MBD6: variants seen among roughly 807,000 people sequenced by gnomAD.
MBD6 encodes the protein methyl-CpG binding domain protein 6.
MBD6 carries 22 observed loss-of-function variants against 66.8 expected under a neutral mutation model. The ratio of observed to expected loss-of-function variants is 0.33; its 90% CI spans 0.24 to 0.47. The LOEUF (loss-of-function observed/expected upper bound fraction) is 0.47. MBD6 is among the 20% of genes least tolerant of loss of function. MBD6 has a pLI of 1.00. For missense variants in MBD6, 1,322 were observed against 1,286.9 expected, an observed-to-expected ratio of 1.03 and a Z score of -0.42; for synonymous variants, 540 against 534.6, an observed-to-expected ratio of 1.01 and a Z score of -0.14.
At position 57,525,285 on chromosome 12, in the gene MBD6, G is replaced by A. The variant is rs188012887; in HGVS notation, c.380-63G>A. On this transcript the variant is annotated intron_variant, in intron 5 of 12. Transcript: ENST00000355673. ...GGAACTTGTGGGAGATGGGACTAGA[G>A]AAGACAAAAGAGTTTTTGGAAGGGG... 159 of 1,513,522 alleles carry A rather than the reference G, an allele frequency of 1.1e-4. No individual in the cohort carries two copies. In the Admixed American group the frequency reaches 3.4e-3, roughly 33 times the overall value. 93.8% of individuals were successfully genotyped at this position (1,513,522 alleles called of 1,614,324 possible).
chr12:57,527,078 G>A lies in MBD6; in HGVS notation c.1933G>A (p.Ala645Thr). The change falls in exon 7 of 13, where the codon GCC becomes ACC. Residue 645 changes from alanine to threonine, a missense_variant. Ala to Thr is a moderately conservative substitution (Grantham distance 58, BLOSUM62 0). Coordinates refer to ENST00000355673, the MANE Select transcript of MBD6 (RefSeq NM_052897.4). ...GGATGGGGAGGGATCTGCAGAGGGA[G>A]CCGGGGGTCCAAGTGGGGAGCCATT... ...AGDGEGSAEG[A>T]GGPSGEPFSG... 6.2e-7 allele frequency: 1 copy of A among 1,602,700 alleles called. No homozygotes were observed. Among genetic ancestry groups the A allele is most frequent in the Non-Finnish European group, 8.5e-7 (1 of 1,172,804 alleles).
chr12:57,526,961 C>T lies in MBD6; in HGVS notation c.1816C>T (p.Pro606Ser), dbSNP rs1879023411. 6.2e-7 allele frequency: 1 copy of T among 1,613,812 alleles called. No individual in the cohort carries two copies. Among genetic ancestry groups the T allele is most frequent in the Middle Eastern group, 1.7e-4 (1 of 6,060 alleles). The change falls in exon 7 of 13, where the codon CCA (proline) becomes TCA (serine). Residue 606 changes from proline to serine, a missense_variant. By Grantham distance (74) the Pro-to-Ser change is moderately conservative (BLOSUM62 -1). Transcript: ENST00000355673. ...TTTGGTGGCTTCCTTGCTTCCTCCA[C>T]CACCCTCAGACCTTCTTCCACCTCC... ...SLLVASLLPP[P>S]PSDLLPPPSA...
chr12:57,528,980 A>G lies in MBD6; in HGVS notation c.2908A>G (p.Ile970Val), dbSNP rs1052541553. Residue 970 changes from isoleucine to valine, a missense_variant, in exon 12 of 13, where the codon ATT becomes GTT. By Grantham distance (29) the Ile-to-Val change is conservative. Coordinates refer to ENST00000355673, the MANE Select transcript of MBD6 (RefSeq NM_052897.4). ...TRNSNSSRQD[I>V]TLEPSPTARA... ...GAACAGCAATAGCTCCCGCCAGGAC[A>G]TTACCTTGGAACCCAGCCCTACAGC... The G allele has an allele frequency of 1.2e-6, 2 of 1,614,112 alleles. No homozygotes were observed. The highest frequency in any genetic ancestry group is 1.3e-5 in the African/African-American group (1 of 74,998).
In MBD6 at chr12:57,526,032, A is replaced by G; in HGVS notation, c.1064A>G (p.His355Arg). The G allele has an allele frequency of 6.3e-7, 1 of 1,599,154 alleles. No homozygotes were observed. The highest frequency in any genetic ancestry group is 8.5e-7 in the Non-Finnish European group (1 of 1,175,338). Residue 355 changes from histidine (H) to arginine (R), a missense_variant, in exon 6 of 13, where the codon CAC becomes CGC. Coordinates refer to ENST00000355673, the MANE Select transcript of MBD6 (RefSeq NM_052897.4). The part of the protein sequence containing the change: ...RPRAQAPSAS[H>R]SSSLRPSQRR... Reference sequence around the variant, plus strand: ...CGTGCCCAGGCACCCTCAGCTTCCCACTCCTCATCACTTCGTCCCTCTCAG... The same window carrying G: ...CGTGCCCAGGCACCCTCAGCTTCCCGCTCCTCATCACTTCGTCCCTCTCAG...
upstream of MBD6, among the ~76,000 whole-genome samples, chr12:57,522,458 G>A (rs1878419840): frequency 6.6e-6 from 1 of 152,004 alleles, no homozygotes; most frequent in Non-Finnish European, 1.5e-5. Flanking sequence ...TGGCATTCCT[G>A]GTTCCCGCAA....
chr12:57,526,327 C>T lies in MBD6; in HGVS notation c.1359C>T (p.Pro453=), dbSNP rs770748001. Residue 453 remains proline, a synonymous_variant, in exon 6 of 13, where the codon CCC becomes CCT. Transcript: ENST00000355673. ...PTLSSGSPPQ[P]RHPIQPSLPG... ...TCTCCTCAGGGAGCCCTCCCCAGCC[C>T]AGGCACCCCATCCAGCCCTCCCTGC... 1 of 1,612,586 alleles carries T rather than the reference C, an allele frequency of 6.2e-7. No homozygotes were observed. The highest frequency in any genetic ancestry group is 1.7e-5 in the Admixed American group (1 of 59,872).
At position 57,524,864 on chromosome 12, in the gene MBD6, A is replaced by G. The variant is rs144482207; in HGVS notation, c.216+42A>G. 1.5e-4 allele frequency: 236 copies of G among 1,613,172 alleles called. No homozygotes were observed. In the African/African-American group the frequency reaches 2.6e-3, roughly 18 times the overall value. ...GCGCCTGAGAGTACAGAGATAAGCT[A>G]AAAGTCTTAATGCAAATCACTGACT... On this transcript the variant is annotated intron_variant, in intron 4 of 12. Transcript: ENST00000355673.
chr12:57,525,490 C>T lies in MBD6; in HGVS notation c.522C>T (p.Ala174=), dbSNP rs756752333. The T allele has an allele frequency of 1.9e-5, 29 of 1,545,976 alleles. 1 individual carries two copies. Among genetic ancestry groups the T allele is most frequent in the Middle Eastern group, 1.7e-4 (1 of 5,728 alleles). ...CAGAACCACCCTCAGTTTCCCAGGCCTTTCCCACTCTAGCAGGCCCTGGGG... is the reference window on the plus strand; with the variant it reads ...CAGAACCACCCTCAGTTTCCCAGGCTTTTCCCACTCTAGCAGGCCCTGGGG... The part of the protein sequence containing the change: ...LPPEPPSVSQ[A]FPTLAGPGGL... The change falls in exon 6 of 13, where the codon GCC becomes GCT. Residue 174 remains alanine, a synonymous_variant. Transcript: ENST00000355673.
chr12:57,522,354 C>A (rs367761860), upstream of MBD6, among the ~76,000 whole-genome samples: 1 of 152,172 alleles, frequency 6.6e-6, no homozygotes, highest in East Asian at 1.9e-4. Context: ...CCTGGGGAGG[C>A]GGGTCAAGTC....
chr12:57,523,565 A>G (rs1878595574), intron 1 of MBD6, among the ~76,000 whole-genome samples: 2 of 152,148 alleles, frequency 1.3e-5, no homozygotes, highest in Admixed American at 1.3e-4. Flanking sequence ...CGATTGTCTG[A>G]TGGAGCAGGC....
rs533049478 is a variant in MBD6 at position 57,527,062 on chromosome 12, G to A, written c.1917G>A (p.Glu639=). ...LALGPTAGDG[E]GSAEGAGGPS... ...TGGGCCCCACAGCTGGGGATGGGGA[G>A]GGATCTGCAGAGGGAGCCGGGGGTC... The change falls in exon 7 of 13, where the codon GAG becomes GAA. Residue 639 remains glutamate (E), a synonymous_variant. Coordinates refer to ENST00000355673, the MANE Select transcript of MBD6 (RefSeq NM_052897.4). 77 of 1,607,256 alleles carry A rather than the reference G, an allele frequency of 4.8e-5. 1 individual carries two copies. The South Asian group carries it at 8.0e-4, about 17-fold the overall frequency.
intron 7 of MBD6, 77 bp downstream of exon 7, chr12:57,527,304 G>A: frequency 8.6e-7 from 1 of 1,156,464 alleles, no homozygotes; most frequent in Non-Finnish European, 1.2e-6. Flanking sequence ...AAAGCTTTCA[G>A]TTTCATTCCT....
upstream of MBD6, among the ~76,000 whole-genome samples, chr12:57,522,435 C>A (rs2140058104): frequency 6.6e-6 from 1 of 152,270 alleles, no homozygotes; most frequent in South Asian, 2.1e-4. Flanking sequence ...CGGGGCCTGG[C>A]CCCTCCCGGA....
At position 57,525,600 on chromosome 12, in the gene MBD6, C is replaced by T. The variant is rs922347068; in HGVS notation, c.632C>T (p.Ser211Phe). 7.4e-6 allele frequency: 12 copies of T among 1,612,660 alleles called. No homozygotes were observed. Among genetic ancestry groups the T allele is most frequent in the African/African-American group, 5.3e-5 (4 of 74,862 alleles). Residue 211 changes from serine (S) to phenylalanine (F), a missense_variant, in exon 6 of 13, where the codon TCT (serine) becomes TTT (phenylalanine). Ser to Phe is a radical substitution (Grantham distance 155, BLOSUM62 -2). Coordinates refer to ENST00000355673, the MANE Select transcript of MBD6 (RefSeq NM_052897.4). Reference protein sequence around the residue: ...PRFLPRGNAPSPAPPPPPAIS... With the variant: ...PRFLPRGNAPFPAPPPPPAIS... ...TTCCTCCCAAGGGGCAATGCCCCCT[C>T]TCCAGCCCCACCTCCTCCACCTGCT...
chr12:57,530,886 G>C, downstream of MBD6: 1 of 920,026 alleles, frequency 1.1e-6, no homozygotes, highest in African/African-American at 1.6e-5. Context: ...CACAATTTGT[G>C]GGCCACAGAG....
At position 57,529,188 on chromosome 12, in the gene MBD6, G is replaced by A. The variant is rs751955575; in HGVS notation, c.2966G>A (p.Arg989His). Residue 989 changes from arginine (R) to histidine (H), a missense_variant, in exon 13 of 13, where the codon CGC becomes CAC. By Grantham distance (29) the Arg-to-His change is conservative. Coordinates refer to ENST00000355673, the MANE Select transcript of MBD6 (RefSeq NM_052897.4). ...RAAVPLPPRA[R>H]PGRPAKNKRR... ...GCTGTCCCTCTGCCTCCCCGGGCCC[G>A]CCCTGGCCGTCCTGCCAAAAACAAG... The A allele has an allele frequency of 1.7e-5, 27 of 1,613,862 alleles. No homozygotes were observed. Among genetic ancestry groups the A allele is most frequent in the Middle Eastern group, 1.6e-4 (1 of 6,080 alleles).
In MBD6 at chr12:57,528,518, C is replaced by G; in HGVS notation, c.2778C>G (p.Pro926=). The G allele has an allele frequency of 1.2e-6, 2 of 1,613,354 alleles. No homozygotes were observed. The highest frequency in any genetic ancestry group is 2.7e-5 in the African/African-American group (2 of 75,040). ...NGELAEGGAE[P]KDPPPPGPHS... ...AGCTGGCTGAAGGGGGTGCTGAGCC[C>G]AAGGATCCACCCCCTCCCGGGCCCC... is the stretch of plus-strand genomic sequence containing the variant. Residue 926 remains proline, a synonymous_variant, in exon 10 of 13, where the codon CCC becomes CCG. Coordinates refer to ENST00000355673, the MANE Select transcript of MBD6 (RefSeq NM_052897.4).
chr12:57,528,248 A>G lies in MBD6; in HGVS notation c.2508A>G (p.Pro836=). 6.2e-7 allele frequency: 1 copy of G among 1,604,400 alleles called. No homozygotes were observed. Residue 836 remains proline (P), a synonymous_variant, in exon 10 of 13, where the codon CCA becomes CCG. Coordinates refer to ENST00000355673, the MANE Select transcript of MBD6 (RefSeq NM_052897.4). ...GGCCTCCCCTCAGTGCCTTAGCCCC[A>G]CCCCATGGTTCTCCCGACCCCCCAG... ...PARPPLSALA[P]PHGSPDPPVP...
rs1218492295 is a variant in MBD6, at chr12:57,526,716, A to G, written c.1571A>G (p.Glu524Gly). 6.4e-7 allele frequency: 1 copy of G among 1,554,044 alleles called. No individual in the cohort carries two copies. The highest frequency in any genetic ancestry group is 1.4e-5 in the African/African-American group (1 of 72,978). The change falls in exon 7 of 13, where the codon GAG becomes GGG. Residue 524 changes from glutamate to glycine, a missense_variant. Coordinates refer to ENST00000355673, the MANE Select transcript of MBD6 (RefSeq NM_052897.4). Reference sequence around the variant, plus strand: ...GAGGCTTTCCCTTTCCCCAGCCCTGAGCAGGGCCTGGCACTGAGTGGAGCT... The same window carrying G: ...GAGGCTTTCCCTTTCCCCAGCCCTGGGCAGGGCCTGGCACTGAGTGGAGCT... ...GGEAFPFPSP[E>G]QGLALSGAGF...
Sources: allele counts gnomAD v4.1 joint callset (sites outside exome capture counted in the v4.1 genomes callset), GRCh38; gene constraint gnomAD v4.1.1; transcripts MANE v1.5; gene names NCBI Gene and HGNC (gene_info 2026-07-23, HGNC 2026-07-21).